Variants in BCL2L11 observed in about 807,000 individuals in gnomAD.
The protein encoded by BCL2L11 is BCL2 like 11, also known as bcl-2-like protein 11.
BCL2L11 carries 15 observed loss-of-function variants against 20.6 expected under a neutral mutation model. The ratio of observed to expected loss-of-function variants is 0.73; its 90% confidence interval spans 0.49 to 1.12. BCL2L11 has a LOEUF of 1.12. Among genes scored for constraint, BCL2L11 ranks in the 50% most tolerant of loss-of-function variants. The probability of loss-of-function intolerance (pLI) is 0.00; values close to 1 mark genes in which losing one functional copy is unlikely to be tolerated. For missense variants in BCL2L11, 292 were observed against 260.9 expected (o/e 1.12, Z -0.82); for synonymous variants, 108 against 92.8 (o/e 1.16, Z -0.94).
At chr2:111,126,000 A>G (rs1248539269) in intron 2 of BCL2L11, among the ~76,000 whole-genome samples, 1 of 152,160 alleles carries the variant, frequency 6.6e-6, no homozygotes, top group Non-Finnish European at 1.5e-5. Flanking sequence ...CACGTGCATT[A>G]AAGACCCTCT....
intron 3 of BCL2L11, among the ~76,000 whole-genome samples, chr2:111,155,982 C>T (rs573991655): frequency 6.6e-6 from 1 of 152,310 alleles, no homozygotes; most frequent in East Asian, 1.9e-4. Context: ...TTAGCATTTT[C>T]CTGTGCTCTG....
Position 111,141,667 on chromosome 2 carries a change from A to AAAT in BCL2L11, c.395-8361_395-8359dup, listed in dbSNP as rs551292240. On this transcript the variant is annotated intron_variant, in intron 2 of 3. Transcript: ENST00000393256. ...TACCCTAAAACTTAAAGTATATAAAAAATAATAATAATAATAATCCCAATT... is the reference window on the plus strand; with the variant it reads ...TACCCTAAAACTTAAAGTATATAAAAAATAATAATAATAATAATAATCCCAATT... 1.7e-4 allele frequency among the ~76,000 whole-genome samples: 26 copies of AAAT among 151,262 alleles called. No homozygotes were observed. The East Asian group carries it at 3.9e-3, about 23-fold the overall frequency.
chr2:111,155,938 G>A (rs531609596), intron 3 of BCL2L11, among the ~76,000 whole-genome samples: 2 of 152,324 alleles, frequency 1.3e-5, no homozygotes, highest in East Asian at 1.9e-4. Context: ...CTTGCAGACT[G>A]ATTTTGATGG....
intron 3 of BCL2L11, among the ~76,000 whole-genome samples, chr2:111,162,275 A>T (rs1202848333): frequency 1.3e-5 from 2 of 152,190 alleles, no homozygotes; most frequent in African/African-American, 4.8e-5. Flanking sequence ...AGCGTGTGCC[A>T]TGTTGTCATG....
chr2:111,158,960 G>A (rs1213560975), intron 3 of BCL2L11, among the ~76,000 whole-genome samples: 4 of 152,126 alleles, frequency 2.6e-5, no homozygotes, highest in Non-Finnish European at 4.4e-5. Context: ...TGTACTTACC[G>A]AGTCCTTGGG....
chr2:111,120,998 G>A lies in BCL2L11; in HGVS notation c.-204G>A, dbSNP rs971618606. On this transcript the variant is annotated 5_prime_UTR_variant, in exon 1 of 4. Transcript: ENST00000393256. Reference sequence around the variant, plus strand: ...TGCCGCTGCCGCCGCCGCCGCCGCCGCCGCCGCCGCCGCCGCCGCCGCCAC... The same window carrying A: ...TGCCGCTGCCGCCGCCGCCGCCGCCACCGCCGCCGCCGCCGCCGCCGCCAC... The A allele has an allele frequency of 2.0e-5, 8 of 399,140 alleles. No individual in the cohort carries two copies. The highest frequency in any genetic ancestry group is 3.9e-5 in the South Asian group (1 of 25,388). 24.7% of individuals were successfully genotyped at this position (399,140 alleles called of 1,614,324 possible).
At chr2:111,163,343 G>A (rs2078798023) in intron 3 of BCL2L11, 1 of 152,344 alleles carries the variant, frequency 6.6e-6, no homozygotes, top group Admixed American at 6.5e-5. Context: ...CGAGGTTGAG[G>A]TGTTGTGTTG....
At chr2:111,146,523 C>CT (rs778036490) in intron 2 of BCL2L11, among the ~76,000 whole-genome samples, 1 of 152,158 alleles carries the variant, frequency 6.6e-6, no homozygotes, top group Non-Finnish European at 1.5e-5. Flanking sequence ...TCCAGGCACG[C>CT]TTTTGGAAGA....
chr2:111,123,988 C>G lies in BCL2L11; in HGVS notation c.243C>G (p.Ile81Met). 1.2e-6 allele frequency: 2 copies of G among 1,614,260 alleles called. No individual in the cohort carries two copies. The highest frequency in any genetic ancestry group is 1.7e-6 in the Non-Finnish European group (2 of 1,180,042). ...TTGCTACCAGATCCCCGCTTTTCAT[C>G]TTTATGAGAAGATCCTCCCTGCTGT... ...GPFATRSPLF[I>M]FMRRSSLLSR... Residue 81 changes from isoleucine to methionine, a missense_variant, in exon 2 of 4, where the codon ATC (isoleucine) becomes ATG (methionine). By Grantham distance (10) the Ile-to-Met change is conservative. Coordinates refer to ENST00000393256, the MANE Select transcript of BCL2L11 (RefSeq NM_138621.5).
chr2:111,149,509 C>T (rs2076989147), intron 2 of BCL2L11, among the ~76,000 whole-genome samples: 1 of 152,200 alleles, frequency 6.6e-6, no homozygotes, highest in Non-Finnish European at 1.5e-5. Flanking sequence ...CTGTCTGTAT[C>T]ATTGTACCTG....
chr2:111,123,223 A>G, intron 1 of BCL2L11: 1 of 985,466 alleles, frequency 1.0e-6, no homozygotes, highest in Non-Finnish European at 1.2e-6. Flanking sequence ...TGACGCACTT[A>G]CTACGACTGA....
chr2:111,128,475 G>A (rs1374307664), intron 2 of BCL2L11, among the ~76,000 whole-genome samples: 1 of 151,416 alleles, frequency 6.6e-6, no homozygotes, highest in Non-Finnish European at 1.5e-5. Flanking sequence ...TGGAATTGCT[G>A]GATCATATGG....
intron 2 of BCL2L11, among the ~76,000 whole-genome samples, chr2:111,146,892 C>T (rs993683438): frequency 7.2e-5 from 11 of 152,038 alleles, no homozygotes; most frequent in African/African-American, 2.7e-4. Context: ...TGCATACTAG[C>T]TAGGTCTTAT....
At chr2:111,125,838 C>G (rs1021134143) in intron 2 of BCL2L11, among the ~76,000 whole-genome samples, 1 of 152,136 alleles carries the variant, frequency 6.6e-6, no homozygotes, top group Non-Finnish European at 1.5e-5. Context: ...TACTACTGCT[C>G]GTGAACTCAT....
At chr2:111,125,880 T>C (rs966942154) in intron 2 of BCL2L11, among the ~76,000 whole-genome samples, 1 of 152,200 alleles carries the variant, frequency 6.6e-6, no homozygotes, top group Non-Finnish European at 1.5e-5. Flanking sequence ...CTTGTAGTTT[T>C]TGTTGTACTC....
chr2:111,138,016 T>C (rs865910210), intron 2 of BCL2L11, among the ~76,000 whole-genome samples: 3 of 148,666 alleles, frequency 2.0e-5, no homozygotes, highest in South Asian at 4.2e-4. Flanking sequence ...TTCTTTCTTT[T>C]TTTTTTTTTT....
chr2:111,155,350 G>A (rs189433613), intron 3 of BCL2L11, among the ~76,000 whole-genome samples: 1 of 152,254 alleles, frequency 6.6e-6, no homozygotes, highest in Non-Finnish European at 1.5e-5. Context: ...CACCCAAACT[G>A]TGTGAGCGCA....
At position 111,167,066 on chromosome 2, in the gene BCL2L11, A is replaced by G. The variant is rs541523245; in HGVS notation, c.*2835A>G. 2 of 152,736 alleles carry G rather than the reference A, an allele frequency of 1.3e-5. No individual in the cohort carries two copies. The highest frequency in any genetic ancestry group is 3.9e-4 in the East Asian group (2 of 5,186). 9.5% of individuals were successfully genotyped at this position (152,736 alleles called of 1,614,324 possible). ...TCTGTGTGATGTGTCCTACTGTTTCATAATGCTGTAACTTGTAGAAATATT... is the reference window on the plus strand; with the variant it reads ...TCTGTGTGATGTGTCCTACTGTTTCGTAATGCTGTAACTTGTAGAAATATT... On this transcript the variant is annotated 3_prime_UTR_variant, in exon 4 of 4. Coordinates refer to ENST00000393256, the MANE Select transcript of BCL2L11 (RefSeq NM_138621.5).
At chr2:111,124,579 C>T (rs949646315) in intron 2 of BCL2L11, among the ~76,000 whole-genome samples, 2 of 152,186 alleles carry the variant, frequency 1.3e-5, no homozygotes, top group Admixed American at 1.3e-4. Context: ...CGTGAGCCAC[C>T]GCGCATGGCC....
Sources: gnomAD v4.1 joint callset for allele counts (sites outside exome capture counted in the v4.1 genomes callset) on GRCh38, gnomAD v4.1.1 for gene constraint, MANE v1.5 for transcripts, NCBI Gene and HGNC (gene_info 2026-07-23, HGNC 2026-07-21) for gene names.